Variants in TGIF1 observed in about 807,000 individuals in gnomAD.
TGIF1 encodes homeobox protein TGIF1.
In TGIF1, 4 loss-of-function variants were observed where a neutral mutation model predicts 19.3. The observed-to-expected ratio is 0.21, with a 90% CI of 0.10 to 0.47. The LOEUF is 0.47. Ranked by LOEUF, TGIF1 falls within the 20% of genes least tolerant of loss-of-function variation. TGIF1 has a pLI of 0.98. For synonymous variants in TGIF1, 122 were observed against 129.3 expected (o/e 0.94, Z 0.38); for missense variants, 275 against 341.4 (o/e 0.81, Z 1.53).
At chr18:3,425,247 C>T (rs1392830478) in intron 2 of TGIF1, among the ~76,000 whole-genome samples, 14 of 152,260 alleles carry the variant, frequency 9.2e-5, no homozygotes, top group Admixed American at 9.2e-4. Flanking sequence ...CTTCTATCCT[C>T]ACAGACTGGC....
rs576715674 is a variant in TGIF1 at position 3,430,994 on chromosome 18, G to C, written c.-45+12779G>C. On this transcript the variant is annotated intron_variant, in intron 2 of 3. Transcript: ENST00000401449. ...TATGATCTGAAATGACCGATTCCAGGGCTGGGGCAGGGAGAATACGATATG... is the reference window on the plus strand; with the variant it reads ...TATGATCTGAAATGACCGATTCCAGCGCTGGGGCAGGGAGAATACGATATG... Among the ~76,000 whole-genome samples the C allele has an allele frequency of 4.6e-5, 7 of 152,108 alleles. No individual in the cohort carries two copies. The East Asian group carries it at 1.4e-3, about 29-fold the overall frequency.
upstream of TGIF1, chr18:3,449,501 G>A (rs1019987068): frequency 3.5e-5 from 34 of 985,334 alleles, no homozygotes; most frequent in Non-Finnish European, 3.9e-5. Context: ...GCTTTAGCCC[G>A]GGGGAACAGA....
At chr18:3,423,622 G>A (rs1244392660) in intron 2 of TGIF1, among the ~76,000 whole-genome samples, 3 of 152,090 alleles carry the variant, frequency 2.0e-5, no homozygotes, top group African/African-American at 7.2e-5. Flanking sequence ...GGCGGAGCTT[G>A]CAGTGAGCAG....
chr18:3,456,277 TG>T lies in TGIF1; in HGVS notation c.17-75del. 2 of 1,312,814 alleles carry T rather than the reference TG, an allele frequency of 1.5e-6. No homozygotes were observed. The highest frequency in any genetic ancestry group is 1.1e-6 in the Non-Finnish European group (1 of 907,420). 81.3% of individuals were successfully genotyped at this position (1,312,814 alleles called of 1,614,324 possible). ...GTTGGGAAAGCATGGTTACATTGAA[TG>T]GTCAGCGTTAAGTGAGCTTTGCAAT... On this transcript the variant is annotated intron_variant, in intron 1 of 2. Transcript: ENST00000343820. This position sits in a 1 kb window ranked among gnomAD's most constrained non-coding sequence, Gnocchi z 4.2.
At chr18:3,422,463 G>T (rs1362305212) in intron 2 of TGIF1, among the ~76,000 whole-genome samples, 5 of 151,350 alleles carry the variant, frequency 3.3e-5, no homozygotes, top group Non-Finnish European at 5.9e-5. Flanking sequence ...AAATAAAAAA[G>T]TTATAGTAAG....
At position 3,456,901 on chromosome 18, in the gene TGIF1, G is replaced by A; in HGVS notation, c.243+321G>A. The A allele has an allele frequency of 3.3e-6, 2 of 600,084 alleles. No individual in the cohort carries two copies. Among genetic ancestry groups the A allele is most frequent in the South Asian group, 4.1e-5 (2 of 48,198 alleles). 37.2% of individuals were successfully genotyped at this position (600,084 alleles called of 1,614,324 possible). A position where few individuals can be genotyped will look rare whatever the true frequency, so the allele number is the denominator to read the frequency against. Reference sequence around the variant, plus strand: ...TTTAAACAAGGACGACTTCAGTGAGGTAATTCATGTTATGTCTGTTGACAC... The same window carrying A: ...TTTAAACAAGGACGACTTCAGTGAGATAATTCATGTTATGTCTGTTGACAC... On this transcript the variant is annotated intron_variant, in intron 2 of 2. Transcript: ENST00000343820. This position sits in a 1 kb window ranked among gnomAD's most constrained non-coding sequence, Gnocchi z 4.2.
chr18:3,419,780 T>C (rs2082377398), intron 2 of TGIF1, among the ~76,000 whole-genome samples: 1 of 151,744 alleles, frequency 6.6e-6, no homozygotes, highest in African/African-American at 2.4e-5. Context: ...CCAAGGCGAG[T>C]GGATCACCTG....
intron 2 of TGIF1, among the ~76,000 whole-genome samples, chr18:3,420,683 T>C (rs2082388651): frequency 6.6e-6 from 1 of 152,128 alleles, no homozygotes; most frequent in South Asian, 2.1e-4. Flanking sequence ...CTAACACTAA[T>C]CAAAAGAAAG....
chr18:3,436,734 T>C (rs2082618988), intron 2 of TGIF1, among the ~76,000 whole-genome samples: 1 of 151,374 alleles, frequency 6.6e-6, no homozygotes, highest in South Asian at 2.1e-4. Context: ...CAGGAGAATC[T>C]CTTGAACCCG....
intron 2 of TGIF1, among the ~76,000 whole-genome samples, chr18:3,430,520 T>C (rs1182372574): frequency 6.6e-6 from 1 of 152,180 alleles, no homozygotes; most frequent in Non-Finnish European, 1.5e-5. Context: ...TTTCTTTTTT[T>C]GAGACGAAGT....
intron 1 of TGIF1, chr18:3,453,680 C>G (rs1401620727): frequency 1.3e-5 from 6 of 475,996 alleles, no homozygotes; most frequent in Non-Finnish European, 1.3e-5. Context: ...GAGCGAAACT[C>G]TGTCTCAAAA....
chr18:3,418,820 C>T (rs1441743352), intron 2 of TGIF1: 3 of 152,160 alleles, frequency 2.0e-5, no homozygotes, highest in Admixed American at 6.6e-5. Flanking sequence ...TACTTTGGGA[C>T]GCCAAGGTGG....
At chr18:3,445,741 A>G (rs2082734352), upstream of TGIF1, among the ~76,000 whole-genome samples, 1 of 130,040 alleles carries the variant, frequency 7.7e-6, no homozygotes, top group Non-Finnish European at 1.6e-5. Flanking sequence ...AAAAAAAAAA[A>G]AAAAAAAAAA....
chr18:3,416,557 C>A (rs1002000169), intron 1 of TGIF1, among the ~76,000 whole-genome samples: 2 of 151,922 alleles, frequency 1.3e-5, no homozygotes, highest in Admixed American at 1.3e-4. Context: ...CTGTCTAGGG[C>A]CTCTTCCTGT....
chr18:3,452,396 G>A (rs1310636161), intron 1 of TGIF1: 2 of 1,613,062 alleles, frequency 1.2e-6, no homozygotes, highest in African/African-American at 1.3e-5. Context: ...ACGGGCTGAA[G>A]GGGAAACTTT....
Position 3,459,956 on chromosome 18 carries a change from A to G in TGIF1, c.*2016A>G, listed in dbSNP as rs1445756098. ...GCTTATAATTTACATGGTGCAATAT[A>G]TCTTTTTAATTTGTTTACTTTTCAC... On this transcript the variant is annotated 3_prime_UTR_variant, in exon 3 of 3. Coordinates refer to ENST00000343820, the MANE Select transcript of TGIF1 (RefSeq NM_003244.4). 2.6e-5 allele frequency: 4 copies of G among 152,192 alleles called. No homozygotes were observed. The highest frequency in any genetic ancestry group is 6.5e-5 in the Admixed American group (1 of 15,280). 9.4% of individuals were successfully genotyped at this position (152,192 alleles called of 1,614,324 possible).
chr18:3,442,689 C>T (rs1022859138), intron 2 of TGIF1, among the ~76,000 whole-genome samples: 1 of 152,026 alleles, frequency 6.6e-6, no homozygotes, highest in Admixed American at 6.6e-5. Flanking sequence ...AGTTCAAGAC[C>T]AGCCTGGGCA....
chr18:3,451,635 G>C lies in TGIF1; in HGVS notation c.16+1130G>C. 3 of 1,114,018 alleles carry C rather than the reference G, an allele frequency of 2.7e-6. No homozygotes were observed. Among genetic ancestry groups the C allele is most frequent in the Non-Finnish European group, 3.3e-6 (3 of 913,488 alleles). The allele number at this position is 1,114,018 out of a possible 1,614,324, so 69.0% of individuals were successfully genotyped here. ...GCCCGCTGCGGGGCGTTCCTGGGGG[G>C]TAGCCTCAAGGCCAGCGGGGTTCCT... On this transcript the variant is annotated intron_variant, in intron 1 of 2. Coordinates refer to ENST00000343820, the MANE Select transcript of TGIF1 (RefSeq NM_003244.4). This position sits in a 1 kb window ranked among gnomAD's most constrained non-coding sequence, Gnocchi z 5.4.
upstream of TGIF1, among the ~76,000 whole-genome samples, chr18:3,445,515 G>C (rs1458169481): frequency 6.6e-6 from 1 of 151,448 alleles, no homozygotes; most frequent in Non-Finnish European, 1.5e-5. Context: ...ATGAGGTCAG[G>C]ATATCGAGAC....
Sources: gnomAD v4.1 joint callset for allele counts (sites outside exome capture counted in the v4.1 genomes callset) on GRCh38, gnomAD v4.1.1 for gene constraint, Gnocchi (gnomAD v3.1) non-coding constraint, MANE v1.5 for transcripts, NCBI Gene and HGNC (gene_info 2026-07-23, HGNC 2026-07-21) for gene names.